DCPH1: variants seen among roughly 807,000 people sequenced by gnomAD.
DCPH1 encodes the protein damage control phosphatase 1, also known as damage-control phosphatase 1.
At chr6:151,453,946 C>T in the DCPH1 span, among the ~76,000 whole-genome samples, 3 of 152,116 alleles carry the variant, frequency 2.0e-5, no homozygotes, top group African/African-American at 7.2e-5. Context: ...GAGACAGTAG[C>T]ACGCCTTCAT....
At chr6:151,466,459 A>G in the DCPH1 span, among the ~76,000 whole-genome samples, 1 of 152,120 alleles carries the variant, frequency 6.6e-6, no homozygotes, top group Non-Finnish European at 1.5e-5. Flanking sequence ...ACTTCTTCAC[A>G]CTGTCACTGT....
chr6:151,454,260 T>G, the DCPH1 span, among the ~76,000 whole-genome samples: 1 of 152,212 alleles, frequency 6.6e-6, no homozygotes, highest in Admixed American at 6.5e-5. Flanking sequence ...TAAGCGAGTT[T>G]CTGATTTAGG....
chr6:151,456,685 T>TCTGTCTACTAGGCAGAGTG, the DCPH1 span, among the ~76,000 whole-genome samples: 18 of 152,178 alleles, frequency 1.2e-4, no homozygotes, highest in Admixed American at 1.3e-4. Context: ...AGGGTCTTGT[T>TCTGTCTACTAGGCAGAGTG]CTGTCTACTA....
At chr6:151,457,919 A>G in the DCPH1 span, among the ~76,000 whole-genome samples, 1 of 152,150 alleles carries the variant, frequency 6.6e-6, no homozygotes, top group African/African-American at 2.4e-5. Context: ...TCTCTCACCT[A>G]GCTAGAACTT....
chr6:151,469,201 G>A, the DCPH1 span: 2 of 1,053,144 alleles, frequency 1.9e-6, no homozygotes, highest in African/African-American at 1.6e-5. Context: ...TCGCCTGGCG[G>A]CTCTGTACGC....
chr6:151,463,478 T>G, the DCPH1 span, among the ~76,000 whole-genome samples: 19 of 152,236 alleles, frequency 1.2e-4, no homozygotes, highest in Non-Finnish European at 2.2e-4. Flanking sequence ...GACAGGAGGT[T>G]TAATGATGTG....
At chr6:151,468,473 G>A in the DCPH1 span, 3 of 1,613,574 alleles carry the variant, frequency 1.9e-6, no homozygotes, top group Non-Finnish European at 2.5e-6. Context: ...GAACATCTTT[G>A]GTCATTGCTT....
the DCPH1 span, among the ~76,000 whole-genome samples, chr6:151,465,112 T>TA: frequency 1.3e-5 from 2 of 152,210 alleles, no homozygotes; most frequent in Non-Finnish European, 2.9e-5. Flanking sequence ...GAGCCTGGGA[T>TA]ACAGCCTGCT....
chr6:151,467,669 C>G, the DCPH1 span, among the ~76,000 whole-genome samples: 1 of 151,954 alleles, frequency 6.6e-6, no homozygotes, highest in African/African-American at 2.4e-5. Flanking sequence ...CCAGGTCGAG[C>G]TGGAAGTCCT....
chr6:151,469,309 G>T, the DCPH1 span: 1 of 422,692 alleles, frequency 2.4e-6, no homozygotes, highest in South Asian at 8.9e-5. Flanking sequence ...GGATAGCTGG[G>T]TTAAGCAAGT....
the DCPH1 span, among the ~76,000 whole-genome samples, chr6:151,456,601 A>C: frequency 6.6e-6 from 1 of 152,190 alleles, no homozygotes; most frequent in Admixed American, 6.5e-5. Flanking sequence ...TGGATAGTTC[A>C]CTTTAGTATT....
chr6:151,465,903 A>G, the DCPH1 span, among the ~76,000 whole-genome samples: 2 of 152,282 alleles, frequency 1.3e-5, no homozygotes, highest in East Asian at 1.9e-4. Context: ...TTTGAGTTCA[A>G]AACAAAAATT....
chr6:151,458,553 CATGAAGCAATT>C, the DCPH1 span: 1 of 1,610,118 alleles, frequency 6.2e-7, no homozygotes, highest in South Asian at 1.1e-5. Flanking sequence ...TCGAAGAATT[CATGAAGCAATT>C]ATCCAGAGGT....
chr6:151,463,062 G>C, the DCPH1 span, among the ~76,000 whole-genome samples: 2 of 152,124 alleles, frequency 1.3e-5, no homozygotes, highest in African/African-American at 4.8e-5. Context: ...ACCGAAATTT[G>C]AATTTCATGT....
chr6:151,461,611 C>T, the DCPH1 span, among the ~76,000 whole-genome samples: 2 of 152,184 alleles, frequency 1.3e-5, no homozygotes, highest in Non-Finnish European at 2.9e-5. Context: ...GTGGAGGTTG[C>T]AGTGAGCCGA....
At chr6:151,466,076 A>C in the DCPH1 span, among the ~76,000 whole-genome samples, 1 of 151,908 alleles carries the variant, frequency 6.6e-6, no homozygotes, top group Non-Finnish European at 1.5e-5. Flanking sequence ...ATGCCACCAC[A>C]CCTGGCTAAT....
the DCPH1 span, chr6:151,469,211 C>T: frequency 2.0e-5 from 20 of 978,156 alleles, no homozygotes; most frequent in South Asian, 1.1e-4. Context: ...GCTCTGTACG[C>T]GCTCAGGGAA....
the DCPH1 span, among the ~76,000 whole-genome samples, chr6:151,465,703 G>A: frequency 6.6e-6 from 1 of 152,158 alleles, no homozygotes; most frequent in Non-Finnish European, 1.5e-5. Flanking sequence ...GGTGGAAATG[G>A]GGAGAGCTGG....
chr6:151,458,663 G>T, the DCPH1 span: 1 of 1,134,578 alleles, frequency 8.8e-7, no homozygotes, highest in Non-Finnish European at 1.2e-6. Context: ...AAGCACCAGT[G>T]GAAGCTTGAA....
Sources: gnomAD v4.1 joint callset for allele counts (sites outside exome capture counted in the v4.1 genomes callset) on GRCh38, gnomAD v4.1.1 for gene constraint, MANE v1.5 for transcripts, NCBI Gene and HGNC (gene_info 2026-07-23, HGNC 2026-07-21) for gene names.